ABHD17C: variants seen among roughly 807,000 people sequenced by gnomAD.
The protein encoded by ABHD17C is alpha/beta hydrolase domain-containing protein 17C.
Under a neutral mutation model 27.9 loss-of-function variants are expected in ABHD17C, and 11 were observed. The observed-to-expected ratio is 0.39, with a 90% CI of 0.25 to 0.65. The LOEUF is 0.65. Among genes scored for constraint, ABHD17C ranks in the 30% least tolerant of loss-of-function variants. The pLI, the probability that ABHD17C is intolerant of heterozygous loss-of-function variation, is 0.45. For missense variants in ABHD17C, 280 were observed against 470.2 expected (o/e 0.60, Z 3.74); for synonymous variants, 233 against 209.1 (o/e 1.11, Z -0.98).
chr15:80,718,260 G>A (rs1484227), intron 1 of ABHD17C, among the ~76,000 whole-genome samples: 136,023 of 151,942 alleles, frequency 0.9, 60,914 homozygotes, highest in East Asian at 0.98. Context: ...TTTTTTTTTT[G>A]ACTGGCTTTG....
In ABHD17C at chr15:80,711,736, CT is replaced by C. The variant is rs1229385441; in HGVS notation, c.590+15721del. 3.3e-5 allele frequency among the ~76,000 whole-genome samples: 5 copies of C among 152,152 alleles called. No individual in the cohort carries two copies. In the East Asian group the frequency reaches 5.8e-4, roughly 18 times the overall value. On this transcript the variant is annotated intron_variant, in intron 1 of 2. Transcript: ENST00000258884. ...GAAAATGGGACCAGTTTCTTGGGGA[CT>C]TTTGCAGGCATTGGATCTTCTGAAA... is the stretch of plus-strand genomic sequence containing the variant.
At chr15:80,698,027 C>T (rs1034056543) in intron 1 of ABHD17C, among the ~76,000 whole-genome samples, 3 of 150,626 alleles carry the variant, frequency 2.0e-5, no homozygotes, top group African/African-American at 7.3e-5. Flanking sequence ...TTTCTATGGG[C>T]AGCACACATA....
chr15:80,741,861 A>G (rs913128955), intron 1 of ABHD17C, among the ~76,000 whole-genome samples: 2 of 152,174 alleles, frequency 1.3e-5, no homozygotes, highest in Non-Finnish European at 2.9e-5. Flanking sequence ...GGTTACTTGA[A>G]CACAAGTCTA....
At chr15:80,740,362 A>G (rs1471891556) in intron 1 of ABHD17C, among the ~76,000 whole-genome samples, 2 of 152,086 alleles carry the variant, frequency 1.3e-5, no homozygotes, top group African/African-American at 4.8e-5. Context: ...TTTTCAGTGC[A>G]GCTGTACTCG....
chr15:80,741,811 G>A (rs558325639), intron 1 of ABHD17C, among the ~76,000 whole-genome samples: 7 of 152,280 alleles, frequency 4.6e-5, no homozygotes, highest in African/African-American at 1.4e-4. Flanking sequence ...TGTCAGCATC[G>A]CCTCTCTTGT....
At chr15:80,736,834 G>A (rs1267279304) in intron 1 of ABHD17C, among the ~76,000 whole-genome samples, 1 of 152,152 alleles carries the variant, frequency 6.6e-6, no homozygotes, top group Non-Finnish European at 1.5e-5. Context: ...GCTTGTTCAT[G>A]GTTGTAGAAG....
chr15:80,710,466 T>A (rs528683677), intron 1 of ABHD17C, among the ~76,000 whole-genome samples: 1 of 152,222 alleles, frequency 6.6e-6, no homozygotes, highest in South Asian at 2.1e-4. Context: ...TAATGACAAA[T>A]TGGAGGAGCT....
intron 1 of ABHD17C, among the ~76,000 whole-genome samples, chr15:80,731,033 T>C (rs571895157): frequency 7.3e-4 from 111 of 152,318 alleles, no homozygotes; most frequent in African/African-American, 2.6e-3. Flanking sequence ...TATTTTAGAC[T>C]GACTTTAAAA....
intron 1 of ABHD17C, among the ~76,000 whole-genome samples, chr15:80,737,591 T>C (rs1596071195): frequency 6.6e-6 from 1 of 152,204 alleles, no homozygotes. Flanking sequence ...TCATTGTAAG[T>C]GTAGGGCATG....
At chr15:80,749,387 A>T in intron 1 of ABHD17C, 126 bp from the exon 2 acceptor site, 1 of 945,428 alleles carries the variant, frequency 1.1e-6, no homozygotes, top group Non-Finnish European at 1.6e-6. Flanking sequence ...AAAGTGTACA[A>T]GTTAGATGAT....
intron 1 of ABHD17C, among the ~76,000 whole-genome samples, chr15:80,732,619 A>G (rs1256866749): frequency 6.6e-6 from 1 of 152,168 alleles, no homozygotes; most frequent in Non-Finnish European, 1.5e-5. Flanking sequence ...AAAGTAGGAA[A>G]TACAAGGAAA....
chr15:80,753,744 G>A (rs1895394995), intron 2 of ABHD17C, among the ~76,000 whole-genome samples: 1 of 151,810 alleles, frequency 6.6e-6, no homozygotes, highest in Non-Finnish European at 1.5e-5. Context: ...CACCTTTCCT[G>A]CAAATTCAAA....
chr15:80,696,145 A>G, intron 1 of ABHD17C, 126 bp downstream of exon 1: 1 of 1,024,052 alleles, frequency 9.8e-7, no homozygotes, highest in Non-Finnish European at 1.4e-6. Context: ...GCCAGCGGAG[A>G]GCCCCTTGGC....
chr15:80,733,731 G>A (rs1895087412), intron 1 of ABHD17C, among the ~76,000 whole-genome samples: 2 of 152,162 alleles, frequency 1.3e-5, no homozygotes, highest in East Asian at 1.9e-4. Context: ...CCAACCATCT[G>A]TGTCTCCTCC....
In ABHD17C at chr15:80,696,117, C is replaced by T. The variant is rs972850629; in HGVS notation, c.590+98C>T. On this transcript the variant is annotated intron_variant, in intron 1 of 2. Transcript: ENST00000258884. ...GGGGCGGCCTGCCAGGAGAGGGGCC[C>T]CTCCTCCGGGGCTGAGGGCCAGCGG... 5.5e-6 allele frequency: 7 copies of T among 1,280,222 alleles called. No homozygotes were observed. The African/African-American group carries it at 9.1e-5, about 17-fold the overall frequency. The allele number at this position is 1,280,222 out of a possible 1,614,324, so 79.3% of individuals were successfully genotyped here.
chr15:80,725,636 C>T (rs761851051), intron 1 of ABHD17C, among the ~76,000 whole-genome samples: 1 of 152,122 alleles, frequency 6.6e-6, no homozygotes, highest in African/African-American at 2.4e-5. Context: ...CTTCAGCTTC[C>T]TGAGTAGCTA....
intron 1 of ABHD17C, among the ~76,000 whole-genome samples, chr15:80,697,649 A>G (rs1309252841): frequency 1.3e-5 from 2 of 150,366 alleles, no homozygotes; most frequent in Non-Finnish European, 3.0e-5. Flanking sequence ...GGTCATATTT[A>G]GTTGAATTAA....
intron 1 of ABHD17C, among the ~76,000 whole-genome samples, chr15:80,717,800 G>A (rs537258476): frequency 1.4e-4 from 21 of 152,220 alleles, no homozygotes; most frequent in East Asian, 5.8e-4. Flanking sequence ...GTAGGAAGCC[G>A]AACCTTCTCC....
chr15:80,743,483 G>A (rs1011813395), intron 1 of ABHD17C, among the ~76,000 whole-genome samples: 1 of 152,196 alleles, frequency 6.6e-6, no homozygotes, highest in Non-Finnish European at 1.5e-5. Context: ...CTGACTAGCA[G>A]GAATCATTTT....
Sources: allele counts gnomAD v4.1 joint callset (sites outside exome capture counted in the v4.1 genomes callset), GRCh38; gene constraint gnomAD v4.1.1; transcripts MANE v1.5; gene names NCBI Gene and HGNC (gene_info 2026-07-23, HGNC 2026-07-21).